Variants in ANKS1B observed in about 807,000 individuals in gnomAD.
ANKS1B encodes the protein ankyrin repeat and sterile alpha motif domain-containing protein 1B.
A neutral mutation model predicts 148.3 loss-of-function variants in ANKS1B; 36 were observed. That is an observed-to-expected ratio of 0.24 (90% CI 0.19 to 0.32). ANKS1B has a LOEUF of 0.32. Among genes scored for constraint, ANKS1B ranks in the 10% least tolerant of loss-of-function variants. ANKS1B has a pLI of 1.00. For missense variants in ANKS1B, 1,157 were observed against 1,542.6 expected (o/e 0.75, Z 4.19); for synonymous variants, 542 against 560.8 (o/e 0.97, Z 0.47).
intron 17 of ANKS1B, among the ~76,000 whole-genome samples, chr12:99,049,454 T>C (rs2099964566): frequency 6.6e-6 from 1 of 152,170 alleles, no homozygotes; most frequent in East Asian, 1.9e-4. Context: ...AAAGCAAGCC[T>C]AAATCTGATA....
intron 10 of ANKS1B, among the ~76,000 whole-genome samples, chr12:99,472,190 T>C (rs60589490): frequency 1.3e-5 from 2 of 152,106 alleles, no homozygotes; most frequent in Admixed American, 6.6e-5. Flanking sequence ...TCCTCTAATT[T>C]GTAGGTCTTT....
chr12:98,757,913 G>A (rs2098293522), intron 25 of ANKS1B, among the ~76,000 whole-genome samples: 1 of 130,688 alleles, frequency 7.7e-6, no homozygotes, highest in African/African-American at 2.8e-5. Context: ...GTGAAAGAGA[G>A]CTGCATGTGT....
intron 10 of ANKS1B, among the ~76,000 whole-genome samples, chr12:99,466,594 T>C (rs1388471969): frequency 6.7e-6 from 1 of 149,880 alleles, no homozygotes; most frequent in East Asian, 1.9e-4. Flanking sequence ...CAATAAAAAA[T>C]GATAAAGGGG....
intron 1 of ANKS1B, among the ~76,000 whole-genome samples, chr12:99,950,737 C>G (rs375416180): frequency 2.0e-5 from 3 of 152,104 alleles, no homozygotes; most frequent in Non-Finnish European, 2.9e-5. Context: ...ACCACCCCCC[C>G]CAATAACCCT....
chr12:99,748,270 A>C (rs548796242), intron 8 of ANKS1B, among the ~76,000 whole-genome samples: 1 of 152,218 alleles, frequency 6.6e-6, no homozygotes, highest in South Asian at 2.1e-4. Flanking sequence ...AAACAGCCTA[A>C]AGTGAACACC....
chr12:99,397,613 T>C (rs568229144), intron 12 of ANKS1B, among the ~76,000 whole-genome samples: 10 of 152,268 alleles, frequency 6.6e-5, no homozygotes, highest in Admixed American at 6.5e-4. Context: ...ACCAGAACTT[T>C]TTCCAGCTTT....
chr12:98,824,623 G>A (rs923014061), intron 19 of ANKS1B, among the ~76,000 whole-genome samples: 2 of 152,150 alleles, frequency 1.3e-5, no homozygotes, highest in Admixed American at 1.3e-4. Flanking sequence ...ACTCGGTCCA[G>A]GTCACACAGC....
chr12:98,903,616 G>A (rs936557906), intron 17 of ANKS1B, among the ~76,000 whole-genome samples: 1 of 152,152 alleles, frequency 6.6e-6, no homozygotes, highest in Non-Finnish European at 1.5e-5. Flanking sequence ...AGTTTTTGAG[G>A]CTCTGGATCC....
At chr12:99,299,636 G>T (rs1348111192) in intron 12 of ANKS1B, among the ~76,000 whole-genome samples, 20 of 152,076 alleles carry the variant, frequency 1.3e-4, no homozygotes, top group Admixed American at 1.3e-3. Flanking sequence ...AACTTTCAAT[G>T]ATCTAATTTT....
chr12:98,949,485 CTT>C (rs1412311624), intron 17 of ANKS1B, among the ~76,000 whole-genome samples: 2 of 152,118 alleles, frequency 1.3e-5, no homozygotes, highest in Non-Finnish European at 2.9e-5. Flanking sequence ...AATCTTGACT[CTT>C]TGAGCTTGTT....
At chr12:98,745,967 C>G (rs2097877336) in intron 26 of ANKS1B, 118 bp from the exon 27 acceptor site, 1 of 1,085,832 alleles carries the variant, frequency 9.2e-7, no homozygotes, top group Non-Finnish European at 1.3e-6. Context: ...GGCGGCGATG[C>G]TGGTCTAGGC....
intron 9 of ANKS1B, among the ~76,000 whole-genome samples, chr12:99,547,037 G>A (rs546392914): frequency 1.3e-5 from 2 of 152,036 alleles, no homozygotes; most frequent in African/African-American, 4.8e-5. Flanking sequence ...GGTGGACTCT[G>A]GGGGGAAATC....
chr12:98,914,195 T>G (rs1341458546), intron 17 of ANKS1B, among the ~76,000 whole-genome samples: 3 of 151,980 alleles, frequency 2.0e-5, no homozygotes, highest in African/African-American at 7.3e-5. Flanking sequence ...ATTAAAAGTA[T>G]GGTACCTCCC....
chr12:99,116,673 C>T (rs1397766671), intron 15 of ANKS1B, among the ~76,000 whole-genome samples: 1 of 152,036 alleles, frequency 6.6e-6, no homozygotes, highest in African/African-American at 2.4e-5. Flanking sequence ...AGTGTCTTGG[C>T]TATATGGGCT....
At chr12:99,832,295 A>G (rs1046764024) in intron 1 of ANKS1B, among the ~76,000 whole-genome samples, 11 of 152,168 alleles carry the variant, frequency 7.2e-5, no homozygotes, top group African/African-American at 2.4e-4. Context: ...TTAATAGTAT[A>G]AAAGAGAAAG....
chr12:98,894,690 G>A, intron 17 of ANKS1B: 2 of 985,698 alleles, frequency 2.0e-6, no homozygotes, highest in South Asian at 4.7e-5. Flanking sequence ...TCTGGCCCCC[G>A]AGGACGCAGA....
intron 17 of ANKS1B, among the ~76,000 whole-genome samples, chr12:98,998,721 C>T (rs1293686257): frequency 1.3e-5 from 2 of 152,220 alleles, no homozygotes; most frequent in Non-Finnish European, 2.9e-5. Context: ...GAAGCTTAGT[C>T]TCTGAGCAAT....
At chr12:99,293,454 C>G (rs2080349234) in intron 12 of ANKS1B, among the ~76,000 whole-genome samples, 2 of 152,090 alleles carry the variant, frequency 1.3e-5, no homozygotes, top group Admixed American at 6.6e-5. Flanking sequence ...ACCTATGTAG[C>G]AAACCTGCTC....
intron 10 of ANKS1B, among the ~76,000 whole-genome samples, chr12:99,481,867 A>T (rs909379414): frequency 6.6e-6 from 1 of 151,632 alleles, no homozygotes; most frequent in Non-Finnish European, 1.5e-5. Context: ...TTTTGAAGGA[A>T]TTATTTGCGG....
Sources: allele counts gnomAD v4.1 joint callset (sites outside exome capture counted in the v4.1 genomes callset), GRCh38; gene constraint gnomAD v4.1.1; transcripts MANE v1.5; gene names NCBI Gene and HGNC (gene_info 2026-07-23, HGNC 2026-07-21).